UNC5D: variants seen among roughly 807,000 people sequenced by gnomAD.
UNC5D encodes the protein unc-5 netrin receptor D.
In UNC5D, 39 loss-of-function variants were observed where a neutral mutation model predicts 105.4. The ratio of observed to expected loss-of-function variants is 0.37; its 90% CI spans 0.29 to 0.48. The LOEUF is 0.48. UNC5D is among the 20% of genes least tolerant of loss of function. The pLI is 0.98. For missense variants in UNC5D, 991 were observed against 1,202.4 expected (o/e 0.82, Z 2.60); for synonymous variants, 452 against 450.4 (o/e 1.00, Z -0.04).
chr8:35,741,580 A>G (rs1829765487), intron 11 of UNC5D, among the ~76,000 whole-genome samples: 1 of 152,114 alleles, frequency 6.6e-6, no homozygotes, highest in African/African-American at 2.4e-5. Context: ...ATCCTTGCCT[A>G]TTAATACACA....
chr8:35,266,024 T>C (rs1392943814), intron 1 of UNC5D, among the ~76,000 whole-genome samples: 2 of 152,048 alleles, frequency 1.3e-5, no homozygotes, highest in Non-Finnish European at 1.5e-5. Context: ...GGGTACATGA[T>C]AGTATATTAC....
At chr8:35,424,411 A>G (rs966875268) in intron 1 of UNC5D, among the ~76,000 whole-genome samples, 2 of 152,202 alleles carry the variant, frequency 1.3e-5, no homozygotes, top group Non-Finnish European at 2.9e-5. Context: ...TACACTTACA[A>G]TAAATCTCAG....
At chr8:35,733,772 C>T (rs1829318243) in intron 11 of UNC5D, among the ~76,000 whole-genome samples, 1 of 152,122 alleles carries the variant, frequency 6.6e-6, no homozygotes, top group Admixed American at 6.5e-5. Context: ...AAATCAGGGC[C>T]TTTAATCCAT....
intron 4 of UNC5D, among the ~76,000 whole-genome samples, chr8:35,640,058 G>A (rs1822619049): frequency 6.6e-6 from 1 of 151,984 alleles, no homozygotes; most frequent in African/African-American, 2.4e-5. Flanking sequence ...CAAGCACATG[G>A]TCCATTTCAT....
chr8:35,470,800 AAAT>A (rs1809659869), intron 1 of UNC5D, among the ~76,000 whole-genome samples: 3 of 36,436 alleles, frequency 8.2e-5, no homozygotes, highest in African/African-American at 2.2e-4. Context: ...ATAAATAAAT[AAAT>A]AAATAAATAA....
At chr8:35,748,388 C>A in intron 11 of UNC5D, 139 bp from the exon 12 acceptor site, 1 of 846,996 alleles carries the variant, frequency 1.2e-6, no homozygotes, top group Non-Finnish European at 1.7e-6. Flanking sequence ...GTTCTCCAGA[C>A]CAGTCCTTTG....
At chr8:35,402,376 G>A (rs978196387) in intron 1 of UNC5D, among the ~76,000 whole-genome samples, 5 of 152,058 alleles carry the variant, frequency 3.3e-5, no homozygotes, top group African/African-American at 1.2e-4. Context: ...AATGAAAGGG[G>A]CTTCCCTTAT....
intron 1 of UNC5D, among the ~76,000 whole-genome samples, chr8:35,277,073 A>G (rs1271325042): frequency 6.6e-6 from 1 of 152,234 alleles, no homozygotes; most frequent in East Asian, 1.9e-4. Context: ...TAGAAGTTAT[A>G]TAAGCTCTGG....
At chr8:35,301,802 G>C (rs1045325681) in intron 1 of UNC5D, among the ~76,000 whole-genome samples, 1 of 152,146 alleles carries the variant, frequency 6.6e-6, no homozygotes, top group Non-Finnish European at 1.5e-5. Flanking sequence ...AGAAGAATGG[G>C]GAGAGGGAAC....
intron 15 of UNC5D, 95 bp from the exon 16 acceptor site, chr8:35,774,204 C>T: frequency 7.2e-7 from 1 of 1,389,336 alleles, no homozygotes; most frequent in Non-Finnish European, 1.0e-6. Context: ...GCATTTTGTG[C>T]ATGTGTGTTA....
At chr8:35,324,201 C>A (rs1809968297) in intron 1 of UNC5D, among the ~76,000 whole-genome samples, 1 of 136,128 alleles carries the variant, frequency 7.3e-6, no homozygotes, top group African/African-American at 2.7e-5. Context: ...CCACCGTACA[C>A]CAGCCTAGGC....
At chr8:35,424,582 C>T (rs1806120812) in intron 1 of UNC5D, among the ~76,000 whole-genome samples, 1 of 152,140 alleles carries the variant, frequency 6.6e-6, no homozygotes, top group Non-Finnish European at 1.5e-5. Flanking sequence ...ACAAGATTCC[C>T]TAGACCCCAT....
chr8:35,408,676 C>T lies in UNC5D; in HGVS notation c.104-140616C>T, dbSNP rs111428430. ...AAGAGTGTGGTTAATTGTTGAATGC[C>T]TTAATGCTACCACAATTTAAAACCC... On this transcript the variant is annotated intron_variant, in intron 1 of 16. Coordinates refer to ENST00000404895, the MANE Select transcript of UNC5D (RefSeq NM_080872.4). 6.6e-3 allele frequency among the ~76,000 whole-genome samples: 1,000 copies of T among 151,478 alleles called. 19 individuals carry two copies. The highest frequency in any genetic ancestry group is 0.023 in the African/African-American group (962 of 41,366).
rs186132673 is a variant in UNC5D, at chr8:35,312,479, T to G, written c.103+76592T>G. On this transcript the variant is annotated intron_variant, in intron 1 of 16. Transcript: ENST00000404895. ...GTCTTCTTGTATGTTCATACCACAT[T>G]TCAAGTTGGAGAAGAATGCAAGGTA... Among the ~76,000 whole-genome samples the G allele has an allele frequency of 3.4e-3, 524 of 152,316 alleles. 3 individuals carry two copies. Among genetic ancestry groups the G allele is most frequent in the African/African-American group, 0.012 (501 of 41,580 alleles).
intron 11 of UNC5D, among the ~76,000 whole-genome samples, chr8:35,736,274 G>T (rs892137942): frequency 6.6e-6 from 1 of 152,162 alleles, no homozygotes; most frequent in African/African-American, 2.4e-5. Flanking sequence ...AGGAGGCTGG[G>T]GTGGGAGGAT....
intron 1 of UNC5D, among the ~76,000 whole-genome samples, chr8:35,282,611 G>A (rs1056600388): frequency 2.7e-5 from 4 of 150,408 alleles, no homozygotes; most frequent in South Asian, 2.1e-4. Context: ...AACTTGATTC[G>A]GCACCATAAT....
chr8:35,717,324 C>A (rs945285233), intron 8 of UNC5D, among the ~76,000 whole-genome samples: 1 of 152,146 alleles, frequency 6.6e-6, no homozygotes, highest in Non-Finnish European at 1.5e-5. Flanking sequence ...AGTTAAATTT[C>A]CATTAGTAAG....
chr8:35,783,030 C>A (rs996408714), intron 16 of UNC5D, among the ~76,000 whole-genome samples: 1 of 151,850 alleles, frequency 6.6e-6, no homozygotes, highest in Non-Finnish European at 1.5e-5. Context: ...GTGGTCCTAG[C>A]TACTTGAGCG....
intron 1 of UNC5D, among the ~76,000 whole-genome samples, chr8:35,351,967 C>A (rs1192429482): frequency 6.6e-6 from 1 of 151,938 alleles, no homozygotes; most frequent in Non-Finnish European, 1.5e-5. Context: ...CAGTAAACAG[C>A]AAAATCTCTT....
Sources: gnomAD v4.1 joint callset for allele counts (sites outside exome capture counted in the v4.1 genomes callset) on GRCh38, gnomAD v4.1.1 for gene constraint, MANE v1.5 for transcripts, NCBI Gene and HGNC (gene_info 2026-07-23, HGNC 2026-07-21) for gene names.